The following RALGAPA2 variants were observed in gnomAD, a reference collection of about 807,000 sequenced individuals.
RALGAPA2 encodes the protein ral GTPase-activating protein subunit alpha-2.
In RALGAPA2, 139 loss-of-function variants were observed where a neutral mutation model predicts 230.4. The observed-to-expected ratio is 0.60, with a 90% CI of 0.53 to 0.69. The LOEUF (loss-of-function observed/expected upper bound fraction) is 0.69, where lower values mean the gene tolerates loss of function less well. Ranked by LOEUF, RALGAPA2 falls within the 30% of genes least tolerant of loss-of-function variation. RALGAPA2 has a pLI of 0.00. For synonymous variants in RALGAPA2, 847 were observed against 837.8 expected, an observed-to-expected ratio of 1.01 and a Z score of -0.19; for missense variants, 2,163 against 2,276.0, an observed-to-expected ratio of 0.95 and a Z score of 1.01.
chr20:20,690,288 G>T (rs145079880), intron 1 of RALGAPA2, among the ~76,000 whole-genome samples: 3,679 of 152,176 alleles, frequency 0.024, 78 homozygotes, highest in South Asian at 0.06. Flanking sequence ...CCACCAGAGT[G>T]ATGGGAGATC....
chr20:20,520,038 T>C (rs1269311292), intron 31 of RALGAPA2, among the ~76,000 whole-genome samples: 2 of 152,160 alleles, frequency 1.3e-5, no homozygotes, highest in Non-Finnish European at 2.9e-5. Context: ...GGAGCCATGA[T>C]GCTTGGCCTT....
At chr20:20,598,227 C>A (rs570283284) in intron 16 of RALGAPA2, among the ~76,000 whole-genome samples, 1 of 152,164 alleles carries the variant, frequency 6.6e-6, no homozygotes, top group East Asian at 1.9e-4. Flanking sequence ...CTGGTCATTA[C>A]TTCACATATA....
intron 1 of RALGAPA2, among the ~76,000 whole-genome samples, chr20:20,686,490 C>T (rs1418521144): frequency 6.6e-6 from 1 of 151,282 alleles, no homozygotes; most frequent in Non-Finnish European, 1.5e-5. Context: ...CGAGATCGCA[C>T]CACTGCACTC....
chr20:20,446,436 A>G (rs2060865400), intron 37 of RALGAPA2, among the ~76,000 whole-genome samples: 1 of 152,232 alleles, frequency 6.6e-6, no homozygotes, highest in South Asian at 2.1e-4. Context: ...ATTACTTTTA[A>G]AGGCAAAAAC....
chr20:20,682,400 C>T (rs1355067368), intron 1 of RALGAPA2, among the ~76,000 whole-genome samples: 3 of 152,178 alleles, frequency 2.0e-5, no homozygotes, highest in Non-Finnish European at 4.4e-5. Flanking sequence ...GTTCAGTACA[C>T]TTCAACTCTA....
chr20:20,626,511 G>A (rs1311778093), intron 10 of RALGAPA2, among the ~76,000 whole-genome samples: 2 of 152,128 alleles, frequency 1.3e-5, no homozygotes, highest in African/African-American at 2.4e-5. Flanking sequence ...ATTTAGATTG[G>A]GTTTAATATT....
chr20:20,438,706 G>C (rs962120162), intron 37 of RALGAPA2, among the ~76,000 whole-genome samples: 2 of 152,164 alleles, frequency 1.3e-5, no homozygotes, highest in African/African-American at 2.4e-5. Context: ...GGGGTTGCCA[G>C]GAAGACTCTC....
chr20:20,584,701 G>T (rs1232253706), intron 19 of RALGAPA2, among the ~76,000 whole-genome samples, 164 bp downstream of exon 19: 1 of 152,154 alleles, frequency 6.6e-6, no homozygotes, highest in Non-Finnish European at 1.5e-5. Flanking sequence ...GATCACCTGA[G>T]CCCAGGGAGG....
At chr20:20,396,425 G>C (rs1014977912) in intron 39 of RALGAPA2, among the ~76,000 whole-genome samples, 1 of 152,260 alleles carries the variant, frequency 6.6e-6, no homozygotes, top group African/African-American at 2.4e-5. Flanking sequence ...CACACAAAAG[G>C]GCAGGCGACA....
chr20:20,396,290 C>T (rs1484817794), intron 39 of RALGAPA2, among the ~76,000 whole-genome samples: 1 of 151,206 alleles, frequency 6.6e-6, no homozygotes, highest in East Asian at 1.9e-4. Context: ...TCCATTAAGG[C>T]TGGCGGTCAA....
At chr20:20,425,877 ATT>A (rs1225879785) in intron 37 of RALGAPA2, among the ~76,000 whole-genome samples, 29 of 152,346 alleles carry the variant, frequency 1.9e-4, no homozygotes, top group African/African-American at 7.0e-4. Context: ...GCCAGTTAAT[ATT>A]AAAAGCAACT....
intron 13 of RALGAPA2, 148 bp downstream of exon 13, chr20:20,615,895 T>C (rs1209574815): frequency 5.4e-6 from 3 of 558,376 alleles, no homozygotes; most frequent in Non-Finnish European, 8.7e-6. Flanking sequence ...GGTAACTACC[T>C]TCTTCATAAT....
In RALGAPA2 at chr20:20,659,909, C is replaced by T. The variant is rs538634412; in HGVS notation, c.271-6322G>A. ...TACACTTTCTGGTATTCCAGGAGAA[C>T]CCCTAGCCATCTCACCAGCTTACAG... On this transcript the variant is annotated intron_variant, in intron 3 of 39. Coordinates refer to ENST00000202677, the MANE Select transcript of RALGAPA2 (RefSeq NM_020343.4). The T allele has an allele frequency of 7.3e-6, 3 of 413,394 alleles. No homozygotes were observed. The East Asian group carries it at 1.7e-4, about 23-fold the overall frequency. The allele number at this position is 413,394 out of a possible 1,614,324, so 25.6% of individuals were successfully genotyped here.
At chr20:20,540,471 A>C (rs1187922780) in intron 24 of RALGAPA2, among the ~76,000 whole-genome samples, 1 of 152,244 alleles carries the variant, frequency 6.6e-6, no homozygotes, top group Admixed American at 6.5e-5. Context: ...AGAAAGCTTA[A>C]AAGATAAGGC....
chr20:20,603,313 T>G (rs1011694394), intron 15 of RALGAPA2, among the ~76,000 whole-genome samples: 2 of 152,244 alleles, frequency 1.3e-5, no homozygotes, highest in Non-Finnish European at 2.9e-5. Context: ...TTGCTTTTAT[T>G]AATTAGTGCT....
intron 20 of RALGAPA2, among the ~76,000 whole-genome samples, chr20:20,575,216 T>A (rs774504538): frequency 1.3e-5 from 2 of 152,142 alleles, no homozygotes; most frequent in African/African-American, 4.8e-5. Context: ...GCCATCCATA[T>A]ACTCACAGCT....
intron 7 of RALGAPA2, among the ~76,000 whole-genome samples, chr20:20,638,615 G>A (rs1334859920): frequency 6.6e-6 from 1 of 152,106 alleles, no homozygotes; most frequent in Non-Finnish European, 1.5e-5. Flanking sequence ...GAGAACCCAA[G>A]GCCCCCAACA....
chr20:20,615,004 G>A (rs1181459799), intron 13 of RALGAPA2, among the ~76,000 whole-genome samples: 1 of 152,072 alleles, frequency 6.6e-6, no homozygotes, highest in East Asian at 1.9e-4. Flanking sequence ...GGAATGAGAG[G>A]GAACACACAA....
chr20:20,488,756 T>TAA (rs60583930), intron 36 of RALGAPA2, among the ~76,000 whole-genome samples: 5,615 of 152,278 alleles, frequency 0.037, 201 homozygotes, highest in East Asian at 0.14. Context: ...CCCATTGCTA[T>TAA]AAGAGTCTCA....
Sources: allele counts gnomAD v4.1 joint callset (sites outside exome capture counted in the v4.1 genomes callset), GRCh38; gene constraint gnomAD v4.1.1; transcripts MANE v1.5; gene names NCBI Gene and HGNC (gene_info 2026-07-23, HGNC 2026-07-21).